Variants in RRBP1 observed in about 807,000 individuals in gnomAD.
RRBP1 encodes ribosome binding protein 1.
In RRBP1, 94 loss-of-function variants were observed where a neutral mutation model predicts 165.2. That is an observed-to-expected ratio of 0.57 (90% CI 0.48 to 0.68). The LOEUF (loss-of-function observed/expected upper bound fraction) is 0.68, where lower values mean the gene tolerates loss of function less well. Ranked by LOEUF, RRBP1 falls within the 30% of genes least tolerant of loss-of-function variation. The pLI, the probability that RRBP1 is intolerant of heterozygous loss-of-function variation, is 0.00. For synonymous variants in RRBP1, 680 were observed against 714.5 expected (o/e 0.95, Z 0.77); for missense variants, 1,676 against 1,763.0 (o/e 0.95, Z 0.88).
Position 17,614,988 on chromosome 20 carries a change from A to G in RRBP1, c.4051-108T>C, listed in dbSNP as rs2035769635. 4.8e-6 allele frequency: 6 copies of G among 1,257,678 alleles called. No homozygotes were observed. The East Asian group carries it at 1.4e-4, about 29-fold the overall frequency. 77.9% of individuals were successfully genotyped at this position (1,257,678 alleles called of 1,614,324 possible). On this transcript the variant is annotated intron_variant, in intron 23 of 24. Transcript: ENST00000377813. ...AGGGGCTGGAGCCCTCTGGGGACAC[A>G]AGGAAGGCAACTCCTGGTCACCCGG... is the stretch of plus-strand genomic sequence containing the variant.
chr20:17,647,437 T>C (rs565395259), intron 3 of RRBP1, among the ~76,000 whole-genome samples: 3 of 152,336 alleles, frequency 2.0e-5, no homozygotes, highest in African/African-American at 7.2e-5. Context: ...TCATAGGCCC[T>C]GGGAATCTGG....
intron 19 of RRBP1, chr20:17,619,244 T>A: frequency 5.2e-6 from 1 of 192,084 alleles, no homozygotes. Context: ...AAACCAGAAT[T>A]GGGATACTGG....
At chr20:17,655,451 G>A (rs2036629531) in intron 3 of RRBP1, among the ~76,000 whole-genome samples, 1 of 152,204 alleles carries the variant, frequency 6.6e-6, no homozygotes, top group Admixed American at 6.5e-5. Flanking sequence ...TGTTCTTGAG[G>A]CATCTAAAGA....
Position 17,660,513 on chromosome 20 carries a change from C to T in RRBP1, c.-6G>A. The stretch of plus-strand genomic sequence containing the variant: ...TGAGTGTCGTAAATATCCATCCTGG[C>T]TTGCTTTCCTTTCACCTGTCAAACA... On this transcript the variant is annotated 5_prime_UTR_variant, in exon 3 of 25. Coordinates refer to ENST00000377813, the MANE Select transcript of RRBP1 (RefSeq NM_001365613.2). The T allele has an allele frequency of 3.1e-6, 5 of 1,603,550 alleles. No homozygotes were observed. The highest frequency in any genetic ancestry group is 4.3e-6 in the Non-Finnish European group (5 of 1,172,302).
chr20:17,653,113 C>T (rs1048920450), intron 3 of RRBP1, among the ~76,000 whole-genome samples: 6 of 152,228 alleles, frequency 3.9e-5, no homozygotes, highest in African/African-American at 9.6e-5. Context: ...GCCAAGCATC[C>T]AGAGAGCGCC....
intron 3 of RRBP1, among the ~76,000 whole-genome samples, chr20:17,658,168 G>A (rs2036680041): frequency 6.6e-6 from 1 of 152,088 alleles, no homozygotes; most frequent in African/African-American, 2.4e-5. Context: ...CTTCTCCCTG[G>A]ACACAGTGGA....
intron 2 of RRBP1, among the ~76,000 whole-genome samples, chr20:17,661,796 T>C (rs1278666508): frequency 1.3e-5 from 2 of 152,162 alleles, no homozygotes; most frequent in African/African-American, 4.8e-5. Context: ...GGCTGCTTAG[T>C]GGCTCAGATA....
chr20:17,621,622 T>C, intron 15 of RRBP1, 68 bp downstream of exon 15: 2 of 1,591,596 alleles, frequency 1.3e-6, no homozygotes, highest in Non-Finnish European at 1.7e-6. Flanking sequence ...TGAAATGACT[T>C]GGGGCAGCCC....
chr20:17,666,087 TTTC>T (rs1273564427), intron 2 of RRBP1, among the ~76,000 whole-genome samples: 2 of 152,202 alleles, frequency 1.3e-5, no homozygotes, highest in African/African-American at 4.8e-5. Flanking sequence ...CCCTACAAAA[TTTC>T]TACTGGAATT....
intron 8 of RRBP1, among the ~76,000 whole-genome samples, chr20:17,632,040 C>A (rs1234837313): frequency 6.6e-6 from 1 of 152,154 alleles, no homozygotes; most frequent in Non-Finnish European, 1.5e-5. Context: ...CCACAGTCAC[C>A]CTGCAGGACA....
chr20:17,644,882 T>C (rs2122377317), intron 3 of RRBP1, among the ~76,000 whole-genome samples: 1 of 152,390 alleles, frequency 6.6e-6, no homozygotes, highest in South Asian at 2.1e-4. Context: ...TCAAACAAAA[T>C]GTATCGTTAA....
chr20:17,655,944 A>T (rs2122429970), intron 3 of RRBP1, among the ~76,000 whole-genome samples: 1 of 152,334 alleles, frequency 6.6e-6, no homozygotes, highest in South Asian at 2.1e-4. Flanking sequence ...AACTGCTTAG[A>T]AATGCAGAAT....
Position 17,620,198 on chromosome 20 carries a change from C to T in RRBP1, c.3579+101G>A, listed in dbSNP as rs191215387. On this transcript the variant is annotated intron_variant, in intron 18 of 24. Coordinates refer to ENST00000377813, the MANE Select transcript of RRBP1 (RefSeq NM_001365613.2). ...GAGAGAATGCCTCTCTTAAGGCACA[C>T]GGTCCATGAGGAAGAAATCAGTGAA... The T allele has an allele frequency of 2.3e-4, 197 of 860,872 alleles. No homozygotes were observed. In the East Asian group the frequency reaches 3.9e-3, roughly 17 times the overall value. 53.3% of individuals were successfully genotyped at this position (860,872 alleles called of 1,614,324 possible).
rs1364484184 is a variant in RRBP1 at position 17,614,116 on chromosome 20, A to T, written c.*66T>A. ...TAACGCTGTGTAGGTTGGTTGGTTT[A>T]TTTGTAAGGAATGTGTAAGGCATTT... On this transcript the variant is annotated 3_prime_UTR_variant, in exon 25 of 25. Coordinates refer to ENST00000377813, the MANE Select transcript of RRBP1 (RefSeq NM_001365613.2). The T allele has an allele frequency of 9.1e-6, 14 of 1,533,216 alleles. No homozygotes were observed. The highest frequency in any genetic ancestry group is 1.2e-5 in the Non-Finnish European group (13 of 1,106,716). 95.0% of individuals were successfully genotyped at this position (1,533,216 alleles called of 1,614,324 possible).
At position 17,680,049 on chromosome 20, in the gene RRBP1, C is replaced by G. The variant is rs887585177; in HGVS notation, c.-72G>C. ...TCAACAGAGAGGGAAATGGCACCTCCAGGACCTCAGAACCGGAAGCTTCTT... is the reference window on the plus strand; with the variant it reads ...TCAACAGAGAGGGAAATGGCACCTCGAGGACCTCAGAACCGGAAGCTTCTT... On this transcript the variant is annotated 5_prime_UTR_variant, in exon 2 of 25. Transcript: ENST00000377813. The G allele has an allele frequency of 6.6e-5, 10 of 152,434 alleles. No individual in the cohort carries two copies. In the East Asian group the frequency reaches 1.9e-3, roughly 29 times the overall value. The allele number at this position is 152,434 out of a possible 1,614,324, so 9.4% of individuals were successfully genotyped here.
intron 2 of RRBP1, among the ~76,000 whole-genome samples, chr20:17,674,871 G>A (rs1371584528): frequency 1.3e-5 from 2 of 152,222 alleles, no homozygotes; most frequent in Admixed American, 1.3e-4. Flanking sequence ...CAAATGTTCT[G>A]TTTCCTGGTG....
intron 7 of RRBP1, 27 bp downstream of exon 7, chr20:17,635,519 G>A: frequency 6.5e-7 from 1 of 1,542,714 alleles, no homozygotes; most frequent in Non-Finnish European, 8.9e-7. Context: ...CCTTGGGGAG[G>A]TGCTGAGGCA....
chr20:17,635,470 C>A, intron 7 of RRBP1, 76 bp downstream of exon 7: 1 of 1,101,948 alleles, frequency 9.1e-7, no homozygotes. Flanking sequence ...TGCCAGCTGC[C>A]CTGGCCGCAG....
At chr20:17,663,476 T>A (rs2036809102) in intron 2 of RRBP1, among the ~76,000 whole-genome samples, 1 of 152,174 alleles carries the variant, frequency 6.6e-6, no homozygotes, top group South Asian at 2.1e-4. Context: ...AAAAAGAAAT[T>A]ACATCCCCAC....
Sources: allele counts gnomAD v4.1 joint callset (sites outside exome capture counted in the v4.1 genomes callset), GRCh38; gene constraint gnomAD v4.1.1; transcripts MANE v1.5; gene names NCBI Gene and HGNC (gene_info 2026-07-23, HGNC 2026-07-21).